The following GMPS variants were observed in gnomAD, a reference collection of about 807,000 sequenced individuals.
The protein encoded by GMPS is GMP synthase [glutamine-hydrolyzing].
In GMPS, 15 loss-of-function variants were observed where a neutral mutation model predicts 77.9. The observed-to-expected ratio is 0.19, with a 90% CI of 0.13 to 0.30. The LOEUF is 0.30. Among genes scored for constraint, GMPS ranks in the 10% least tolerant of loss-of-function variants. The pLI is 1.00. For missense variants in GMPS, 590 were observed against 838.8 expected (o/e 0.70, Z 3.66); for synonymous variants, 224 against 275.9 (o/e 0.81, Z 1.86).
At chr3:155,873,121 A>G (rs903024648) in intron 1 of GMPS, among the ~76,000 whole-genome samples, 2 of 152,152 alleles carry the variant, frequency 1.3e-5, no homozygotes, top group African/African-American at 4.8e-5. Flanking sequence ...CATAAATTAA[A>G]AGTTGGGCAA....
In GMPS at chr3:155,916,760, T is replaced by G. The variant is rs116261697; in HGVS notation, c.1212+568T>G. On this transcript the variant is annotated intron_variant, in intron 9 of 15. Transcript: ENST00000496455. Reference sequence around the variant, plus strand: ...ATAAGTTTTTGTGGATATGTGTTTTTATTTCTTTTGGTATATGCCTGGGAG... The same window carrying G: ...ATAAGTTTTTGTGGATATGTGTTTTGATTTCTTTTGGTATATGCCTGGGAG... Among the ~76,000 whole-genome samples, 498 of 152,308 alleles carry G rather than the reference T, an allele frequency of 3.3e-3. 4 individuals are homozygous for G. Among genetic ancestry groups the G allele is most frequent in the African/African-American group, 0.011 (456 of 41,560 alleles).
At position 155,942,130 on chromosome 3, in the gene GMPS, G is replaced by C. The variant is rs929642554; in HGVS notation, c.*4438G>C. The C allele has an allele frequency of 5.3e-6, 1 of 188,136 alleles. No homozygotes were observed. The highest frequency in any genetic ancestry group is 2.3e-5 in the African/African-American group (1 of 42,684). 11.7% of individuals were successfully genotyped at this position (188,136 alleles called of 1,614,324 possible). A position where few individuals can be genotyped will look rare whatever the true frequency, so the allele number is the denominator to read the frequency against. On this transcript the variant is annotated 3_prime_UTR_variant, in exon 16 of 16. Transcript: ENST00000496455. ...TTTTTTTAAGACAGAGTCTCGCTCT[G>C]TCCCCAAGTGCAGTGGCACAATCTC...
intron 12 of GMPS, among the ~76,000 whole-genome samples, chr3:155,929,751 A>AC (rs1435175598): frequency 2.7e-5 from 2 of 75,084 alleles, no homozygotes; most frequent in East Asian, 9.2e-4. Flanking sequence ...TCATGAGTGA[A>AC]CTCCCATTCA....
chr3:155,931,721 A>G (rs1213508335), intron 12 of GMPS, 44 bp from the exon 13 acceptor site: 1 of 710,948 alleles, frequency 1.4e-6, no homozygotes, highest in Non-Finnish European at 2.5e-6. Flanking sequence ...AAACTGGTGT[A>G]TCTTTTGACT....
At position 155,870,893 on chromosome 3, in the gene GMPS, C is replaced by A; in HGVS notation, c.23C>A (p.Ser8Tyr). Residue 8 changes from serine to tyrosine, a missense_variant, in exon 1 of 16, where the codon TCC (serine) becomes TAC (tyrosine). By Grantham distance (144) the Ser-to-Tyr change is moderately radical. This residue lies in a region of GMPS where 47 missense variants were observed against 45.5 expected (regional missense o/e 1.03). Coordinates refer to ENST00000496455, the MANE Select transcript of GMPS (RefSeq NM_003875.3). MALCNGD[S>Y]KLENAGGDLK... The stretch of plus-strand genomic sequence containing the variant: ...CCGATGGCTCTGTGCAACGGAGACT[C>A]CAAGGTCAGCGTGGGGGTCCCTGCA... The A allele has an allele frequency of 6.7e-7, 1 of 1,503,682 alleles. No homozygotes were observed. Among genetic ancestry groups the A allele is most frequent in the Non-Finnish European group, 8.9e-7 (1 of 1,129,648 alleles). The allele number at this position is 1,503,682 out of a possible 1,614,324, so 93.1% of individuals were successfully genotyped here. A position where few individuals can be genotyped will look rare whatever the true frequency, so the allele number is the denominator to read the frequency against.
intron 1 of GMPS, among the ~76,000 whole-genome samples, chr3:155,873,293 A>G (rs575411318): frequency 1.5e-4 from 23 of 152,022 alleles, no homozygotes; most frequent in Admixed American, 3.9e-4. Flanking sequence ...TTTTTAATTT[A>G]TATTATTTTT....
intron 1 of GMPS, among the ~76,000 whole-genome samples, chr3:155,878,853 G>A (rs1305726467): frequency 6.6e-6 from 1 of 151,824 alleles, no homozygotes; most frequent in Non-Finnish European, 1.5e-5. Context: ...AGTCCATGGT[G>A]TAATTCTCAG....
rs973815053 is a variant in GMPS at position 155,942,487 on chromosome 3, T to C, written c.*4795T>C. The stretch of plus-strand genomic sequence containing the variant: ...CTCATAGGTGAATCTTTGTCAAACC[T>C]ATAGGAGAGAGATGCAGGCCATAGA... On this transcript the variant is annotated 3_prime_UTR_variant, in exon 16 of 16. Transcript: ENST00000496455. 8.9e-6 allele frequency: 2 copies of C among 224,986 alleles called. No individual in the cohort carries two copies. 13.9% of individuals were successfully genotyped at this position (224,986 alleles called of 1,614,324 possible). A position where few individuals can be genotyped will look rare whatever the true frequency, so the allele number is the denominator to read the frequency against.
rs1358714342 is a variant in GMPS at position 155,928,625 on chromosome 3, C to T, written c.1561-3140C>T. Among the ~76,000 whole-genome samples the T allele has an allele frequency of 6.0e-5, 9 of 150,326 alleles. No individual in the cohort carries two copies. In the South Asian group the frequency reaches 1.1e-3, roughly 18 times the overall value. On this transcript the variant is annotated intron_variant, in intron 12 of 15. Transcript: ENST00000496455. Reference sequence around the variant, plus strand: ...TATGTATACATGTGCCATGCTGGTGCACCGCACCCACTAACTCGTCATTTA... The same window carrying T: ...TATGTATACATGTGCCATGCTGGTGTACCGCACCCACTAACTCGTCATTTA...
rs1171275758 is a variant in GMPS at position 155,874,901 on chromosome 3, C to CTTTTT, written c.27+4024_27+4028dup. Among the ~76,000 whole-genome samples the CTTTTT allele has an allele frequency of 3.4e-4, 24 of 71,406 alleles. 1 individual carries two copies. The highest frequency in any genetic ancestry group is 8.8e-4 in the East Asian group (2 of 2,274). 46.8% of individuals were successfully genotyped at this position (71,406 alleles called of 152,430 possible). On this transcript the variant is annotated intron_variant, in intron 1 of 15. Coordinates refer to ENST00000496455, the MANE Select transcript of GMPS (RefSeq NM_003875.3). ...GTAGTACATTCTTAAACTTTGTTTT[C>CTTTTT]TTTTTTTTTTTTTTTTTTTTTTTTG...
Position 155,890,715 on chromosome 3 carries a change from G to A in GMPS, c.28-2803G>A, listed in dbSNP as rs565011529. On this transcript the variant is annotated intron_variant, in intron 1 of 15. Coordinates refer to ENST00000496455, the MANE Select transcript of GMPS (RefSeq NM_003875.3). The stretch of plus-strand genomic sequence containing the variant: ...TTCCTGGAGTCACTTCCTTTGGGAC[G>A]TTGCCATTCTTTCCATCACAACCAG... Among the ~76,000 whole-genome samples, 5 of 152,162 alleles carry A rather than the reference G, an allele frequency of 3.3e-5. No individual in the cohort carries two copies. In the East Asian group the frequency reaches 5.8e-4, roughly 18 times the overall value.
chr3:155,902,592 A>G (rs1002328195), intron 3 of GMPS, among the ~76,000 whole-genome samples: 10 of 152,246 alleles, frequency 6.6e-5, no homozygotes, highest in Non-Finnish European at 1.2e-4. Flanking sequence ...AATAGTTGCT[A>G]CAGACACAGT....
intron 3 of GMPS, among the ~76,000 whole-genome samples, chr3:155,898,513 T>C (rs1337192771): frequency 6.6e-6 from 1 of 152,212 alleles, no homozygotes; most frequent in African/African-American, 2.4e-5. Flanking sequence ...ATCCACAGAC[T>C]CCTTCACATT....
At chr3:155,928,662 A>C in intron 12 of GMPS, among the ~76,000 whole-genome samples, 1 of 145,898 alleles carries the variant, frequency 6.9e-6, no homozygotes, top group Non-Finnish European at 1.5e-5. Context: ...CATTAGGTAT[A>C]TCTCCCAATG....
At chr3:155,927,651 A>G (rs1755491151) in intron 12 of GMPS, among the ~76,000 whole-genome samples, 1 of 152,222 alleles carries the variant, frequency 6.6e-6, no homozygotes, top group African/African-American at 2.4e-5. Flanking sequence ...TTTATTTTCT[A>G]AATACCAAAG....
intron 9 of GMPS, 91 bp from the exon 10 acceptor site, chr3:155,919,142 G>A (rs1755257118): frequency 1.7e-6 from 1 of 602,670 alleles, no homozygotes. Context: ...AAGAAAAGTG[G>A]TAACAGGAAA....
intron 12 of GMPS, among the ~76,000 whole-genome samples, chr3:155,930,124 A>C (rs1311477673): frequency 6.9e-6 from 1 of 145,744 alleles, no homozygotes; most frequent in African/African-American, 2.5e-5. Flanking sequence ...ACAACGCTAC[A>C]GTAACCAAAA....
chr3:155,897,013 A>C (rs944046274), intron 2 of GMPS, among the ~76,000 whole-genome samples: 5 of 152,100 alleles, frequency 3.3e-5, no homozygotes, highest in Admixed American at 6.6e-5. Flanking sequence ...GTGAGTGGGC[A>C]TGTGTGGCAA....
At chr3:155,933,980 G>A (rs1055385123) in intron 13 of GMPS, among the ~76,000 whole-genome samples, 29 of 152,150 alleles carry the variant, frequency 1.9e-4, no homozygotes, top group African/African-American at 6.0e-4. Flanking sequence ...AAACACTAAT[G>A]AATCATTTTT....
Sources: gnomAD v4.1 joint callset for allele counts (sites outside exome capture counted in the v4.1 genomes callset) on GRCh38, gnomAD v4.1.1 for gene constraint, gnomAD v4.1.1 regional missense constraint, MANE v1.5 for transcripts, NCBI Gene and HGNC (gene_info 2026-07-23, HGNC 2026-07-21) for gene names.